NLRP13: variants seen among roughly 807,000 people sequenced by gnomAD.
The protein encoded by NLRP13 is NACHT, LRR and PYD domains-containing protein 13.
A neutral mutation model predicts 94.4 loss-of-function variants in NLRP13; 82 were observed. That is an observed-to-expected ratio of 0.87 (90% CI 0.73 to 1.04). The LOEUF is 1.04. Among genes scored for constraint, NLRP13 ranks in the 50% least tolerant of loss-of-function variants. NLRP13 has a pLI of 0.00. For synonymous variants in NLRP13, 553 were observed against 464.7 expected, an observed-to-expected ratio of 1.19 and a Z score of -2.45; for missense variants, 1,426 against 1,230.8, an observed-to-expected ratio of 1.16 and a Z score of -2.37.
chr19:55,907,449 G>T (rs1986386492), intron 7 of NLRP13, among the ~76,000 whole-genome samples: 1 of 152,294 alleles, frequency 6.6e-6, no homozygotes, highest in African/African-American at 2.4e-5. Flanking sequence ...GCACACACCT[G>T]TGGGTACCAG....
chr19:55,903,493 G>A (rs1034326463), intron 8 of NLRP13, among the ~76,000 whole-genome samples: 3 of 152,086 alleles, frequency 2.0e-5, no homozygotes, highest in Non-Finnish European at 4.4e-5. Context: ...ATCTCTTTGT[G>A]CGTCCACCAC....
At chr19:55,903,175 G>A (rs1325384968) in intron 8 of NLRP13, among the ~76,000 whole-genome samples, 1 of 152,016 alleles carries the variant, frequency 6.6e-6, no homozygotes, top group African/African-American at 2.4e-5. Flanking sequence ...TCTACACATT[G>A]TATCATGATC....
intron 3 of NLRP13, 68 bp from the exon 4 acceptor site, chr19:55,924,047 C>G (rs1015614787): frequency 8.0e-7 from 1 of 1,252,014 alleles, no homozygotes; most frequent in African/African-American, 1.5e-5. Flanking sequence ...ATGATAAAGA[C>G]TCTCAGTAGA....
In NLRP13 at chr19:55,929,020, T is replaced by G. The variant is rs1654457765; in HGVS notation, c.319+2973A>C. Reference sequence around the variant, plus strand: ...AAGACATTTATGCAGCCAACAAACATGAAAAAAAGCTCATCGTCACTGGTT... The same window carrying G: ...AAGACATTTATGCAGCCAACAAACAGGAAAAAAAGCTCATCGTCACTGGTT... On this transcript the variant is annotated intron_variant, in intron 1 of 10. Coordinates refer to ENST00000342929, the MANE Select transcript of NLRP13 (RefSeq NM_176810.2). Among the ~76,000 whole-genome samples the G allele has an allele frequency of 1.3e-5, 2 of 151,936 alleles. 1 individual carries two copies. The highest frequency in any genetic ancestry group is 4.2e-4 in the South Asian group (2 of 4,816).
chr19:55,912,512 C>G lies in NLRP13; in HGVS notation c.1305G>C (p.Leu435=), dbSNP rs1430129191. 1 of 1,614,036 alleles carries G rather than the reference C, an allele frequency of 6.2e-7. No individual in the cohort carries two copies. Among genetic ancestry groups the G allele is most frequent in the African/African-American group, 1.3e-5 (1 of 74,930 alleles). Residue 435 remains leucine, a synonymous_variant, in exon 5 of 11, where the codon CTG becomes CTC. Coordinates refer to ENST00000342929, the MANE Select transcript of NLRP13 (RefSeq NM_176810.2). The stretch of plus-strand genomic sequence containing the variant: ...CGTAATACCTCACCTTCGGCTGCTT[C>G]AGACAGGAACATACGGTCCAACACA... ...PMVCWTVCSC[L]KQPKVRYYDL...
At position 55,923,645 on chromosome 19, in the gene NLRP13, C is replaced by T. The variant is rs151333504; in HGVS notation, c.523+269G>A. The stretch of plus-strand genomic sequence containing the variant: ...CTCTTTATAGCACCCTCCTCAGTAT[C>T]TGTGGGCAGCCCAGTCCCCTAGCCT... On this transcript the variant is annotated intron_variant, in intron 4 of 10. Transcript: ENST00000342929. 5.4e-3 allele frequency among the ~76,000 whole-genome samples: 829 copies of T among 152,314 alleles called. 9 individuals are homozygous for T. The highest frequency in any genetic ancestry group is 0.019 in the African/African-American group (790 of 41,562).
chr19:55,901,684 GC>G (rs1462678954), intron 9 of NLRP13, among the ~76,000 whole-genome samples: 1 of 152,152 alleles, frequency 6.6e-6, no homozygotes, highest in Non-Finnish European at 1.5e-5. Flanking sequence ...GCTCCTGGGA[GC>G]TTATGTCTGG....
rs1986544688 is a variant in NLRP13 at position 55,912,404 on chromosome 19, C to T, written c.1413G>A (p.Leu471=). Residue 471 remains leucine (L), a synonymous_variant, in exon 5 of 11, where the codon TTG becomes TTA. Coordinates refer to ENST00000342929, the MANE Select transcript of NLRP13 (RefSeq NM_176810.2). Reference sequence around the variant, plus strand: ...ATTGTCCTGGCCAGCTGTCATCTGCCAAATCTACCTCTGCTGTGGAGAACA... The same window carrying T: ...ATTGTCCTGGCCAGCTGTCATCTGCTAAATCTACCTCTGCTGTGGAGAACA... ...SNLFSTAEVD[L]ADDSWPGQWR... The T allele has an allele frequency of 2.5e-6, 4 of 1,614,090 alleles. No individual in the cohort carries two copies. Among genetic ancestry groups the T allele is most frequent in the Non-Finnish European group, 3.4e-6 (4 of 1,180,010 alleles).
At chr19:55,906,384 AAGAC>A (rs936677882) in intron 7 of NLRP13, among the ~76,000 whole-genome samples, 1 of 150,684 alleles carries the variant, frequency 6.6e-6, no homozygotes, top group East Asian at 1.9e-4. Context: ...GACAGAAAGA[AAGAC>A]AGAAAGATAG....
chr19:55,923,365 G>A (rs1462408596), intron 4 of NLRP13, among the ~76,000 whole-genome samples: 1 of 152,228 alleles, frequency 6.6e-6, no homozygotes, highest in African/African-American at 2.4e-5. Flanking sequence ...GGGGAAGAAT[G>A]AGCTGAAGGC....
At chr19:55,908,592 T>TA (rs66662461) in intron 6 of NLRP13, among the ~76,000 whole-genome samples, 7 of 151,988 alleles carry the variant, frequency 4.6e-5, no homozygotes, top group East Asian at 3.9e-4. Context: ...TATGCAGCCA[T>TA]AAAAAAAGAA....
At chr19:55,893,448 AAC>A (rs1425158315), downstream of NLRP13, among the ~76,000 whole-genome samples, 7 of 152,194 alleles carry the variant, frequency 4.6e-5, no homozygotes, top group African/African-American at 2.4e-5. Flanking sequence ...AGTAATAGCA[AAC>A]ACAATTACTT....
rs757052621 is a variant in NLRP13, at chr19:55,895,953, G to T, written c.3124C>A (p.Leu1042Ile). Residue 1042 changes from leucine to isoleucine, a missense_variant, in exon 11 of 11, where the codon CTC (leucine) becomes ATC (isoleucine). Leu to Ile is a conservative substitution (Grantham distance 5, BLOSUM62 2). Transcript: ENST00000342929. ...LKKSTCRLQK[L>I]G ...AGAAAAGTCAGTGAGGTTTACCCGA[G>T]TTTCTGCAGCCTGCATGTCGACTTT... The T allele has an allele frequency of 5.0e-6, 8 of 1,613,784 alleles. No individual in the cohort carries two copies. The Admixed American group carries it at 1.3e-4, about 27-fold the overall frequency.
intron 1 of NLRP13, among the ~76,000 whole-genome samples, chr19:55,927,963 C>T (rs767928923): frequency 8.5e-5 from 13 of 152,298 alleles, no homozygotes; most frequent in African/African-American, 2.6e-4. Context: ...CTCTCAGATG[C>T]ATATCCCACA....
Position 55,898,933 on chromosome 19 carries a change from A to T in NLRP13, c.2794T>A (p.Ser932Thr), listed in dbSNP as rs1412057428. 6.2e-7 allele frequency: 1 copy of T among 1,606,774 alleles called. No individual in the cohort carries two copies. Among genetic ancestry groups the T allele is most frequent in the African/African-American group, 1.3e-5 (1 of 74,528 alleles). ...CCCTCTCTTGTGAAAGAACAACCTG[A>T]CAAACTGCAAAATAAAAACATACAA... ...PDGNLQSLNL[S>T]GCSFTREGCG... The change falls in exon 10 of 11, where the codon TCA (serine) becomes ACA (threonine). Residue 932 changes from serine to threonine, a missense_variant. Transcript: ENST00000342929.
chr19:55,899,705 G>A lies in NLRP13; in HGVS notation c.2790-768C>T, dbSNP rs1014833970. ...TGAGGCAGGAGAATAGCTTAAACCC[G>A]GGAGGTGGAGGTTGCAGTGAGCCGA... On this transcript the variant is annotated intron_variant, in intron 9 of 10. Coordinates refer to ENST00000342929, the MANE Select transcript of NLRP13 (RefSeq NM_176810.2). Among the ~76,000 whole-genome samples the A allele has an allele frequency of 9.2e-5, 14 of 152,198 alleles. No homozygotes were observed. In the South Asian group the frequency reaches 1.0e-3, roughly 11 times the overall value.
intron 1 of NLRP13, among the ~76,000 whole-genome samples, chr19:55,929,089 C>T (rs11666082): frequency 0.12 from 17,829 of 152,138 alleles, 1,332 homozygotes; most frequent in East Asian, 0.22. Context: ...TACCATCTCA[C>T]GCCAGTTAGG....
chr19:55,908,041 A>G (rs1986403694), intron 6 of NLRP13, 85 bp from the exon 7 acceptor site: 3 of 1,199,716 alleles, frequency 2.5e-6, no homozygotes, highest in Admixed American at 2.2e-5. Context: ...CCTGCCTTCT[A>G]CTACACTCAC....
chr19:55,900,669 G>A (rs995034182), intron 9 of NLRP13, among the ~76,000 whole-genome samples: 3 of 151,760 alleles, frequency 2.0e-5, no homozygotes, highest in East Asian at 3.9e-4. Context: ...CCAGCTACAC[G>A]GGAGGCTGAG....
Sources: gnomAD v4.1 joint callset for allele counts (sites outside exome capture counted in the v4.1 genomes callset) on GRCh38, gnomAD v4.1.1 for gene constraint, MANE v1.5 for transcripts, NCBI Gene and HGNC (gene_info 2026-07-23, HGNC 2026-07-21) for gene names.